The following RGL1 variants were observed in gnomAD, a reference collection of about 807,000 sequenced individuals.
RGL1 encodes ral guanine nucleotide dissociation stimulator-like 1.
Under a neutral mutation model 95.2 loss-of-function variants are expected in RGL1, and 24 were observed. That is an observed-to-expected ratio of 0.25 (90% CI 0.18 to 0.35). The LOEUF is 0.35. Among genes scored for constraint, RGL1 ranks in the 10% least tolerant of loss-of-function variants. The pLI is 1.00. For missense variants in RGL1, 715 were observed against 936.3 expected (o/e 0.76, Z 3.08); for synonymous variants, 329 against 344.9 (o/e 0.95, Z 0.51).
chr1:183,912,712 A>T (rs1355828840), intron 15 of RGL1, among the ~76,000 whole-genome samples: 1 of 152,168 alleles, frequency 6.6e-6, no homozygotes, highest in Admixed American at 6.5e-5. Flanking sequence ...TGGTTGGCTG[A>T]TCTAGGTTGG....
chr1:183,915,481 G>C (rs1668903611), intron 15 of RGL1, among the ~76,000 whole-genome samples: 1 of 152,216 alleles, frequency 6.6e-6, no homozygotes, highest in Non-Finnish European at 1.5e-5. Flanking sequence ...CATATTAACT[G>C]TAGTACTCCA....
At position 183,847,658 on chromosome 1, in the gene RGL1, T is replaced by A. The variant is rs1268397143; in HGVS notation, c.231T>A (p.Leu77=). The change falls in exon 3 of 18, where the codon CTT becomes CTA. Residue 77 remains leucine, a synonymous_variant. Transcript: ENST00000360851. ...RTIKAGTLEK[L]VENLLTAFGD... The stretch of plus-strand genomic sequence containing the variant: ...TAAAAGCTGGCACCTTGGAGAAGCT[T>A]GTGGAGAACCTGCTGACAGCTTTTG... 3 of 1,614,118 alleles carry A rather than the reference T, an allele frequency of 1.9e-6. No individual in the cohort carries two copies. Among genetic ancestry groups the A allele is most frequent in the Non-Finnish European group, 2.5e-6 (3 of 1,179,970 alleles).
At chr1:183,832,202 G>A (rs902975802) in intron 2 of RGL1, among the ~76,000 whole-genome samples, 2 of 152,116 alleles carry the variant, frequency 1.3e-5, no homozygotes, top group African/African-American at 4.8e-5. Context: ...GAATGAAGTG[G>A]GACGATATAG....
At chr1:183,787,330 C>T (rs1487732285) in intron 2 of RGL1, among the ~76,000 whole-genome samples, 2 of 152,210 alleles carry the variant, frequency 1.3e-5, no homozygotes, top group Non-Finnish European at 2.9e-5. Flanking sequence ...CTTCAGGATG[C>T]CTTAATGGGG....
intron 4 of RGL1, among the ~76,000 whole-genome samples, chr1:183,878,186 A>G (rs186773717): frequency 1.3e-5 from 2 of 150,274 alleles, no homozygotes; most frequent in Admixed American, 6.6e-5. Flanking sequence ...CTATCTATCT[A>G]TCTATCTATC....
intron 1 of RGL1, among the ~76,000 whole-genome samples, chr1:183,702,275 A>G (rs1341360316): frequency 1.3e-5 from 2 of 152,104 alleles, no homozygotes; most frequent in Non-Finnish European, 2.9e-5. Flanking sequence ...GCCCAACTGC[A>G]TTGCTTCCAG....
intron 2 of RGL1, among the ~76,000 whole-genome samples, chr1:183,780,027 A>G (rs1659814750): frequency 6.6e-6 from 1 of 152,202 alleles, no homozygotes; most frequent in African/African-American, 2.4e-5. Flanking sequence ...TTTATATAAA[A>G]TACTTAGTGA....
intron 2 of RGL1, among the ~76,000 whole-genome samples, chr1:183,792,733 A>G (rs761476654): frequency 2.1e-4 from 32 of 152,140 alleles, no homozygotes; most frequent in Non-Finnish European, 4.3e-4. Context: ...ACCTAGGAAT[A>G]AATTTACTGA....
chr1:183,877,169 C>G (rs1219524739), intron 4 of RGL1, among the ~76,000 whole-genome samples: 1 of 152,172 alleles, frequency 6.6e-6, no homozygotes, highest in African/African-American at 2.4e-5. Flanking sequence ...AGCGTCCTGT[C>G]TTGGTCTGTG....
At chr1:183,891,526 T>C (rs1667413770) in intron 8 of RGL1, among the ~76,000 whole-genome samples, 1 of 152,122 alleles carries the variant, frequency 6.6e-6, no homozygotes, top group Non-Finnish European at 1.5e-5. Context: ...CCACCCCTGG[T>C]TGCAGAGCCC....
intron 3 of RGL1, among the ~76,000 whole-genome samples, chr1:183,849,482 AGT>A (rs1491220502): frequency 5.0e-5 from 5 of 99,354 alleles, no homozygotes; most frequent in African/African-American, 7.6e-5. Flanking sequence ...TCCAGTTTTT[AGT>A]TTTTTTTTTT....
At chr1:183,914,517 C>T (rs540185451) in intron 15 of RGL1, among the ~76,000 whole-genome samples, 1 of 152,290 alleles carries the variant, frequency 6.6e-6, no homozygotes, top group African/African-American at 2.4e-5. Flanking sequence ...CTCCACACTT[C>T]CTTCCTGACC....
chr1:183,682,541 A>G (rs953499917), intron 1 of RGL1, among the ~76,000 whole-genome samples: 1 of 152,002 alleles, frequency 6.6e-6, no homozygotes, highest in African/African-American at 2.4e-5. Context: ...ACTGTTTTTT[A>G]TGATTTCTGT....
intron 1 of RGL1, among the ~76,000 whole-genome samples, chr1:183,682,630 G>A (rs1402858418): frequency 5.3e-5 from 8 of 152,148 alleles, no homozygotes; most frequent in Non-Finnish European, 1.0e-4. Context: ...GTGCTGAGAA[G>A]AATGTATATT....
chr1:183,650,354 T>C (rs1366393277), intron 1 of RGL1, among the ~76,000 whole-genome samples: 1 of 152,078 alleles, frequency 6.6e-6, no homozygotes, highest in Non-Finnish European at 1.5e-5. Flanking sequence ...CAATCCTGGC[T>C]AACATGGTGA....
rs1403364870 is a variant in RGL1, at chr1:183,727,645, G to A, written c.-32-14481G>A. ...AAATAAGAGGCACATAGGTTAGAGA[G>A]CTACAAGTAAAACTGTCTTTATTCA... On this transcript the variant is annotated intron_variant, in intron 1 of 18. Coordinates refer to the RGL1 transcript ENST00000304685. Among the ~76,000 whole-genome samples, 4 of 152,120 alleles carry A rather than the reference G, an allele frequency of 2.6e-5. No individual in the cohort carries two copies. In the East Asian group the frequency reaches 7.7e-4, roughly 29 times the overall value.
At chr1:183,799,153 C>T (rs771375294) in intron 2 of RGL1, among the ~76,000 whole-genome samples, 13 of 152,122 alleles carry the variant, frequency 8.5e-5, no homozygotes, top group African/African-American at 2.4e-4. Context: ...CTGCCTGCCT[C>T]GGCCTCCCAA....
At chr1:183,857,950 G>A (rs1363101134) in intron 3 of RGL1, among the ~76,000 whole-genome samples, 7 of 152,290 alleles carry the variant, frequency 4.6e-5, no homozygotes, top group African/African-American at 1.4e-4. Flanking sequence ...TCATAGCCAG[G>A]CTAGCTTTCT....
chr1:183,882,607 A>G (rs1289906887), intron 5 of RGL1, among the ~76,000 whole-genome samples: 4 of 152,096 alleles, frequency 2.6e-5, no homozygotes, highest in Non-Finnish European at 5.9e-5. Context: ...ATCCCCTTCT[A>G]CGTTTTTCAG....
Sources: allele counts gnomAD v4.1 joint callset (sites outside exome capture counted in the v4.1 genomes callset), GRCh38; gene constraint gnomAD v4.1.1; transcripts MANE v1.5; gene names NCBI Gene and HGNC (gene_info 2026-07-23, HGNC 2026-07-21).